Variants in RANBP9 observed in about 807,000 individuals in gnomAD.
The protein encoded by RANBP9 is RAN binding protein 9.
A neutral mutation model predicts 84.3 loss-of-function variants in RANBP9; 15 were observed. That is an observed-to-expected ratio of 0.18 (90% confidence interval 0.12 to 0.27). The LOEUF (loss-of-function observed/expected upper bound fraction) is 0.27. Ranked by LOEUF, RANBP9 falls within the 10% of genes least tolerant of loss-of-function variation. The pLI, the probability that RANBP9 is intolerant of heterozygous loss-of-function variation, is 1.00. For missense variants in RANBP9, 809 were observed against 912.8 expected (o/e 0.89, Z 1.46); for synonymous variants, 392 against 349.6 (o/e 1.12, Z -1.35).
intron 2 of RANBP9, among the ~76,000 whole-genome samples, chr6:13,688,488 T>A: frequency 6.6e-6 from 1 of 152,206 alleles, no homozygotes; most frequent in East Asian, 1.9e-4. Context: ...GTGTATCTCA[T>A]ACTGGATTTT....
At chr6:13,710,815 G>A (rs1758257574) in intron 1 of RANBP9, 120 bp downstream of exon 1, 1 of 1,100,240 alleles carries the variant, frequency 9.1e-7, no homozygotes, top group Non-Finnish European at 1.3e-6. Context: ...CAGGCGGCGA[G>A]TGGCCTCCGA....
At chr6:13,625,566 T>C in intron 13 of RANBP9, 87 bp downstream of exon 13, 1 of 798,440 alleles carries the variant, frequency 1.3e-6, no homozygotes, top group Non-Finnish European at 2.0e-6. Flanking sequence ...CTGATGATTT[T>C]ACCAAAGTGT....
At chr6:13,690,084 A>G (rs1044047488) in intron 2 of RANBP9, among the ~76,000 whole-genome samples, 4 of 152,194 alleles carry the variant, frequency 2.6e-5, no homozygotes, top group Non-Finnish European at 5.9e-5. Context: ...CATGTCTTAG[A>G]ACATGTTCCG....
chr6:13,666,600 C>CAAAAAAAAAAAAAAAAAAAAA (rs70989878), intron 2 of RANBP9, among the ~76,000 whole-genome samples: 12 of 43,700 alleles, frequency 2.7e-4, no homozygotes, highest in Admixed American at 1.1e-3. Context: ...CCCGTCTCTC[C>CAAAAAAAAAAAAAAAAAAAAA]AAAAAAAAAA....
At chr6:13,632,692 A>G (rs1764823875) in intron 11 of RANBP9, 171 bp from the exon 12 acceptor site, 2 of 643,896 alleles carry the variant, frequency 3.1e-6, no homozygotes, top group South Asian at 2.0e-5. Context: ...CAGCTAAAAG[A>G]TATACTTTAT....
intron 5 of RANBP9, among the ~76,000 whole-genome samples, chr6:13,645,810 A>G (rs1029554385): frequency 1.3e-5 from 2 of 152,190 alleles, no homozygotes; most frequent in East Asian, 1.9e-4. Context: ...AAAACAAGGT[A>G]AAGATCAAGA....
intron 5 of RANBP9, among the ~76,000 whole-genome samples, chr6:13,652,392 A>G (rs564706815): frequency 6.6e-6 from 1 of 152,344 alleles, no homozygotes; most frequent in African/African-American, 2.4e-5. Flanking sequence ...TACATTTCAA[A>G]TGAATGAATG....
intron 1 of RANBP9, among the ~76,000 whole-genome samples, chr6:13,702,009 C>CT (rs1395357378): frequency 6.6e-6 from 1 of 152,204 alleles, no homozygotes; most frequent in Non-Finnish European, 1.5e-5. Flanking sequence ...ATCTTCCTCT[C>CT]TAATCTCTCC....
At chr6:13,684,697 CA>C (rs1184202624) in intron 2 of RANBP9, among the ~76,000 whole-genome samples, 1 of 152,142 alleles carries the variant, frequency 6.6e-6, no homozygotes, top group Non-Finnish European at 1.5e-5. Context: ...GTGGCAAAGA[CA>C]AAAGTCTGTG....
Position 13,641,297 on chromosome 6 carries a change from T to C in RANBP9, c.1236A>G (p.Lys412=). Residue 412 remains lysine, a synonymous_variant, in exon 8 of 14, where the codon AAA becomes AAG. Coordinates refer to ENST00000011619, the MANE Select transcript of RANBP9 (RefSeq NM_005493.3). ...CTCCCATTCTTCCTGCTAATACCAA[T>C]TTCTGAATTCCTATTCAGTAAAAGA... The part of the protein sequence containing the change: ...ASIKNRQRIQ[K]LVLAGRMGEA... 1 of 1,594,046 alleles carries C rather than the reference T, an allele frequency of 6.3e-7. No individual in the cohort carries two copies.
intron 1 of RANBP9, among the ~76,000 whole-genome samples, chr6:13,698,547 A>G (rs1757895291): frequency 6.6e-6 from 1 of 152,248 alleles, no homozygotes; most frequent in Admixed American, 6.5e-5. Context: ...CTATCTAAAC[A>G]AAATCTAACT....
intron 11 of RANBP9, 137 bp downstream of exon 11, chr6:13,634,294 A>T: frequency 9.8e-7 from 1 of 1,024,720 alleles, no homozygotes; most frequent in Non-Finnish European, 1.4e-6. Flanking sequence ...TTTAAGTGCT[A>T]TGCATTACTG....
intron 13 of RANBP9, 149 bp downstream of exon 13, chr6:13,625,504 G>A (rs1198112256): frequency 4.4e-6 from 2 of 456,470 alleles, no homozygotes; most frequent in African/African-American, 1.9e-5. Flanking sequence ...TAAAGGAGGG[G>A]GTTTCTATAT....
chr6:13,672,330 T>A (rs1248131881), intron 2 of RANBP9, among the ~76,000 whole-genome samples: 1 of 152,088 alleles, frequency 6.6e-6, no homozygotes, highest in African/African-American at 2.4e-5. Context: ...CCAACAGATT[T>A]CATCATATGA....
intron 2 of RANBP9, among the ~76,000 whole-genome samples, chr6:13,667,518 A>C (rs998809722): frequency 2.0e-5 from 3 of 152,226 alleles, no homozygotes; most frequent in Non-Finnish European, 4.4e-5. Context: ...GGTCAACAAC[A>C]GACCGCATGT....
intron 2 of RANBP9, among the ~76,000 whole-genome samples, chr6:13,688,770 G>A (rs1256437102): frequency 6.6e-6 from 1 of 151,576 alleles, no homozygotes; most frequent in Non-Finnish European, 1.5e-5. Context: ...CTCTGTAGCA[G>A]TCTTGCAGAC....
chr6:13,680,646 C>T (rs1045573930), intron 2 of RANBP9, among the ~76,000 whole-genome samples: 1 of 151,968 alleles, frequency 6.6e-6, no homozygotes. Flanking sequence ...CTCCCAGCTA[C>T]TCAGGAGGCT....
At chr6:13,691,615 T>C (rs1471508116) in intron 2 of RANBP9, among the ~76,000 whole-genome samples, 3 of 152,148 alleles carry the variant, frequency 2.0e-5, no homozygotes, top group Non-Finnish European at 4.4e-5. Context: ...AACTGAGATC[T>C]GGGATAAACA....
chr6:13,664,817 C>G (rs1584930912), intron 2 of RANBP9, among the ~76,000 whole-genome samples: 1 of 151,944 alleles, frequency 6.6e-6, no homozygotes, highest in African/African-American at 2.4e-5. Context: ...TAAAACATCC[C>G]AAAAAAGCTT....
Sources: gnomAD v4.1 joint callset for allele counts (sites outside exome capture counted in the v4.1 genomes callset) on GRCh38, gnomAD v4.1.1 for gene constraint, MANE v1.5 for transcripts, NCBI Gene and HGNC (gene_info 2026-07-23, HGNC 2026-07-21) for gene names.